Variants in SGO2 observed in about 807,000 individuals in gnomAD.
SGO2 encodes shugoshin 2, also known as shugoshin-like 2.
SGO2 carries 68 observed loss-of-function variants against 99.5 expected under a neutral mutation model. The observed-to-expected ratio is 0.68, with a 90% CI of 0.56 to 0.84. The LOEUF is 0.84. SGO2 is among the 40% of genes least tolerant of loss of function. The probability of loss-of-function intolerance (pLI) is 0.00; values close to 1 mark genes in which losing one functional copy is unlikely to be tolerated. For synonymous variants in SGO2, 457 were observed against 487.1 expected, an observed-to-expected ratio of 0.94 and a Z score of 0.81; for missense variants, 1,350 against 1,436.7, an observed-to-expected ratio of 0.94 and a Z score of 0.97.
Position 200,571,808 on chromosome 2 carries a change from C to T in SGO2, c.1462C>T (p.Leu488=). Reference sequence around the variant, plus strand: ...TGAACAAGGTGACAGAGAAAATGTACTGTGTAATAAAAAGGAGAAAAGAAT... The same window carrying T: ...TGAACAAGGTGACAGAGAAAATGTATTGTGTAATAAAAAGGAGAAAAGAAT... ...GFEQGDRENV[L]CNKKEKRITN... is the part of the protein sequence containing the mutation. Residue 488 remains leucine, a synonymous_variant, in exon 7 of 9, where the codon CTG becomes TTG. Coordinates refer to ENST00000357799, the MANE Select transcript of SGO2 (RefSeq NM_152524.6). 1.2e-6 allele frequency: 2 copies of T among 1,613,360 alleles called. No individual in the cohort carries two copies. The highest frequency in any genetic ancestry group is 1.7e-6 in the Non-Finnish European group (2 of 1,179,580).
chr2:200,548,092 C>T (rs1197513619), intron 5 of SGO2, among the ~76,000 whole-genome samples: 2 of 149,050 alleles, frequency 1.3e-5, no homozygotes, highest in Admixed American at 1.4e-4. Context: ...ATCATCCAGA[C>T]AGAAAATCAA....
chr2:200,532,413 CT>C (rs1320550113), intron 1 of SGO2: 2 of 984,294 alleles, frequency 2.0e-6, no homozygotes, highest in East Asian at 1.1e-4. Context: ...ATTTCTGATC[CT>C]TTTCCTCTGC....
chr2:200,559,777 C>G (rs1389912007), intron 5 of SGO2, among the ~76,000 whole-genome samples: 1 of 151,826 alleles, frequency 6.6e-6, no homozygotes, highest in South Asian at 2.1e-4. Flanking sequence ...ATTTTTTTTC[C>G]TGATTTTTTA....
rs1401513047 is a variant in SGO2 at position 200,542,603 on chromosome 2, T to C, written c.412T>C (p.Ser138Pro). ...SEFHQSSFLL[S>P]ASKKKRISKQ... The stretch of plus-strand genomic sequence containing the variant: ...GTTCCATCAGAGTTCCTTTCTACTG[T>C]CAGCTAGCAAGAAGAAACGAATTAG... Residue 138 changes from serine to proline, a missense_variant, in exon 5 of 9, where the codon TCA becomes CCA. Ser to Pro is a moderately conservative substitution (Grantham distance 74, BLOSUM62 -1). Transcript: ENST00000357799. The C allele has an allele frequency of 6.2e-7, 1 of 1,613,000 alleles. No individual in the cohort carries two copies. The highest frequency in any genetic ancestry group is 2.2e-5 in the East Asian group (1 of 44,740).
chr2:200,552,947 A>AC (rs1187704018), intron 5 of SGO2, among the ~76,000 whole-genome samples: 19 of 150,792 alleles, frequency 1.3e-4, no homozygotes, highest in East Asian at 2.0e-4. Context: ...ACACATCCGC[A>AC]CCCCCCCGCC....
Position 200,532,282 on chromosome 2 carries a change from TTG to T in SGO2, c.-2-690_-2-689del, listed in dbSNP as rs1241086758. 7.6e-4 allele frequency: 285 copies of T among 374,800 alleles called. 18 individuals are homozygous for T. Among genetic ancestry groups the T allele is most frequent in the African/African-American group, 2.1e-3 (83 of 39,162 alleles). 23.2% of individuals were successfully genotyped at this position (374,800 alleles called of 1,614,324 possible). On this transcript the variant is annotated intron_variant, in intron 1 of 8. Transcript: ENST00000357799. ...GTGACAGAGTTTTTTGTTTTTTTTT[TTG>T]TTTTTTTTTTTTTTTCAGATCTCTT...
intron 5 of SGO2, among the ~76,000 whole-genome samples, chr2:200,560,916 G>T (rs1428937220): frequency 1.3e-5 from 2 of 152,104 alleles, no homozygotes; most frequent in Non-Finnish European, 2.9e-5. Flanking sequence ...AAATAGATAT[G>T]GGGCTTTTCA....
At chr2:200,529,718 G>A (rs1366067755) in intron 1 of SGO2, among the ~76,000 whole-genome samples, 1 of 152,098 alleles carries the variant, frequency 6.6e-6, no homozygotes, top group Non-Finnish European at 1.5e-5. Flanking sequence ...TAGTAGAGAC[G>A]GGTTTCACCA....
chr2:200,538,234 C>T (rs1041147763), intron 4 of SGO2, among the ~76,000 whole-genome samples: 1 of 152,132 alleles, frequency 6.6e-6, no homozygotes, highest in Admixed American at 6.6e-5. Flanking sequence ...ATTTCTTCCA[C>T]CTCATTTGCT....
In SGO2 at chr2:200,529,504, C is replaced by CGTTTTGTTTT. The variant is rs71405325; in HGVS notation, c.-3+3263_-3+3272dup. 5.3e-5 allele frequency among the ~76,000 whole-genome samples: 8 copies of CGTTTTGTTTT among 151,112 alleles called. No homozygotes were observed. In the East Asian group the frequency reaches 9.8e-4, roughly 18 times the overall value. On this transcript the variant is annotated intron_variant, in intron 1 of 8. Coordinates refer to ENST00000357799, the MANE Select transcript of SGO2 (RefSeq NM_152524.6). ...GAGGGAAGGAGCTACAGTTTTGTTT[C>CGTTTTGTTTT]GTTTTGTTTTGTTTTGTTTTTTGTT...
chr2:200,574,264 A>G (rs931648634), intron 7 of SGO2, among the ~76,000 whole-genome samples: 8 of 152,038 alleles, frequency 5.3e-5, no homozygotes, highest in African/African-American at 1.4e-4. Context: ...TTGCTTTTTC[A>G]TACATCTGAA....
intron 7 of SGO2, among the ~76,000 whole-genome samples, chr2:200,574,882 G>A (rs369424635): frequency 1.3e-5 from 2 of 151,822 alleles, no homozygotes; most frequent in African/African-American, 4.8e-5. Flanking sequence ...CAATATATGT[G>A]TGTAGATCCC....
intron 8 of SGO2, among the ~76,000 whole-genome samples, chr2:200,578,915 A>G (rs2033750056): frequency 2.0e-5 from 3 of 152,194 alleles, no homozygotes; most frequent in Admixed American, 1.3e-4. Flanking sequence ...GCTCGGTTTC[A>G]TAACCTTGGC....
chr2:200,570,955 A>G lies in SGO2; in HGVS notation c.704-95A>G. 1 of 1,133,366 alleles carries G rather than the reference A, an allele frequency of 8.8e-7. No individual in the cohort carries two copies. Among genetic ancestry groups the G allele is most frequent in the Non-Finnish European group, 1.2e-6 (1 of 811,100 alleles). The allele number at this position is 1,133,366 out of a possible 1,614,324, so 70.2% of individuals were successfully genotyped here. ...ATCAGAACACATTGTCAGAAATTAT[A>G]TCTGTGAAACAGCTTGATTTCGAAT... On this transcript the variant is annotated intron_variant, in intron 6 of 8. Transcript: ENST00000357799. This position sits in a 1 kb window ranked among gnomAD's most constrained non-coding sequence, Gnocchi z 4.4.
intron 7 of SGO2, among the ~76,000 whole-genome samples, chr2:200,574,453 T>G (rs1294402553): frequency 6.6e-6 from 1 of 152,014 alleles, no homozygotes; most frequent in African/African-American, 2.4e-5. Context: ...CAACCCCCTT[T>G]CCTCAGATTC....
chr2:200,569,760 T>C lies in SGO2; in HGVS notation c.571T>C (p.Ser191Pro), dbSNP rs1448139489. 1 of 1,612,966 alleles carries C rather than the reference T, an allele frequency of 6.2e-7. No homozygotes were observed. Among genetic ancestry groups the C allele is most frequent in the East Asian group, 2.2e-5 (1 of 44,774 alleles). Residue 191 changes from serine (S) to proline (P), a missense_variant, in exon 6 of 9, where the codon TCA becomes CCA. Coordinates refer to ENST00000357799, the MANE Select transcript of SGO2 (RefSeq NM_152524.6). Reference sequence around the variant, plus strand: ...AAAGACATTACCTGATATTCCCTCTTCAGGATCAACAACACAACCTTTATC... The same window carrying C: ...AAAGACATTACCTGATATTCCCTCTCCAGGATCAACAACACAACCTTTATC... ...KSKTLPDIPS[S>P]GSTTQPLSTQ...
chr2:200,553,021 C>T (rs1411091329), intron 5 of SGO2, among the ~76,000 whole-genome samples: 1 of 152,044 alleles, frequency 6.6e-6, no homozygotes, highest in Non-Finnish European at 1.5e-5. Flanking sequence ...TCTTCTGTAA[C>T]TTCTTCAGGC....
At position 200,572,316 on chromosome 2, in the gene SGO2, T is replaced by G. The variant is rs770342336; in HGVS notation, c.1970T>G (p.Ile657Ser). ...FFKTQEDKEP[I>S]SENIEVSKEL... ...AAAACCCAAGAGGATAAAGAACCTA[T>G]CTCTGAAAACATAGAAGTTTCCAAA... is the stretch of plus-strand genomic sequence containing the variant. The change falls in exon 7 of 9, where the codon ATC (isoleucine) becomes AGC (serine). Residue 657 changes from isoleucine to serine, a missense_variant. Coordinates refer to ENST00000357799, the MANE Select transcript of SGO2 (RefSeq NM_152524.6). 5.6e-6 allele frequency: 9 copies of G among 1,608,854 alleles called. No individual in the cohort carries two copies. The highest frequency in any genetic ancestry group is 1.7e-4 in the Middle Eastern group (1 of 6,038).
intron 5 of SGO2, among the ~76,000 whole-genome samples, chr2:200,562,584 T>G (rs1322832064): frequency 1.3e-5 from 2 of 152,234 alleles, no homozygotes; most frequent in African/African-American, 4.8e-5. Context: ...GTTTTTCCAA[T>G]TCTGTGAAGG....
Sources: gnomAD v4.1 joint callset for allele counts (sites outside exome capture counted in the v4.1 genomes callset) on GRCh38, gnomAD v4.1.1 for gene constraint, Gnocchi (gnomAD v3.1) non-coding constraint, MANE v1.5 for transcripts, NCBI Gene and HGNC (gene_info 2026-07-23, HGNC 2026-07-21) for gene names.